The following MEI1 variants were observed in gnomAD, a reference collection of about 807,000 sequenced individuals.
MEI1 encodes the protein meiosis inhibitor protein 1.
In MEI1, 103 loss-of-function variants were observed where a neutral mutation model predicts 146.2. The ratio of observed to expected loss-of-function variants is 0.70; its 90% confidence interval spans 0.60 to 0.83. MEI1 has a LOEUF of 0.83. Ranked by LOEUF, MEI1 falls within the 40% of genes least tolerant of loss-of-function variation. The probability of loss-of-function intolerance (pLI) is 0.00; values close to 1 mark genes in which losing one functional copy is unlikely to be tolerated. For missense variants in MEI1, 1,529 were observed against 1,533.0 expected (o/e 1.00, Z 0.04); for synonymous variants, 652 against 628.2 (o/e 1.04, Z -0.57).
At chr22:41,762,002 T>C (rs2074523003) in intron 18 of MEI1, among the ~76,000 whole-genome samples, 1 of 152,278 alleles carries the variant, frequency 6.6e-6, no homozygotes, top group Admixed American at 6.5e-5. Flanking sequence ...TACCTTTGTA[T>C]GTATACACCA....
In MEI1 at chr22:41,732,445, C is replaced by A. The variant is rs562400707; in HGVS notation, c.1197-24C>A. 275 of 1,613,552 alleles carry A rather than the reference C, an allele frequency of 1.7e-4. 3 individuals carry two copies. The South Asian group carries it at 2.9e-3, about 17-fold the overall frequency. ...GGTCAGTGAGAAGAGTTCACCTACT[C>A]GTTTCTCATCTTCCATTTCTCAGGC... On this transcript the variant is annotated intron_variant, in intron 10 of 30. Coordinates refer to ENST00000401548, the MANE Select transcript of MEI1 (RefSeq NM_152513.4).
chr22:41,769,854 G>A (rs1385422853), intron 19 of MEI1, among the ~76,000 whole-genome samples: 1 of 151,870 alleles, frequency 6.6e-6, no homozygotes, highest in African/African-American at 2.4e-5. Flanking sequence ...ATTCAACAAG[G>A]CCGGGCACGG....
At chr22:41,796,355 T>G (rs966442095) in intron 30 of MEI1, among the ~76,000 whole-genome samples, 1 of 150,164 alleles carries the variant, frequency 6.7e-6, no homozygotes, top group Non-Finnish European at 1.5e-5. Flanking sequence ...GCCCAGGTTT[T>G]TTTTTTTTTT....
At position 41,729,754 on chromosome 22, in the gene MEI1, A is replaced by C. The variant is rs770536781; in HGVS notation, c.954A>C (p.Ser318=). The change falls in exon 8 of 31, where the codon TCA becomes TCC. Residue 318 remains serine, a synonymous_variant. Coordinates refer to ENST00000401548, the MANE Select transcript of MEI1 (RefSeq NM_152513.4). ...TCCACTCCCCAGCAAAGCATGCGTC[A>C]GCCTTCATCCACGCTGACATCCCAG... ...VLVHSPAKHA[S]AFIHADIPEF... 8.7e-6 allele frequency: 14 copies of C among 1,609,844 alleles called. No individual in the cohort carries two copies. Among genetic ancestry groups the C allele is most frequent in the Non-Finnish European group, 1.2e-5 (14 of 1,178,378 alleles).
chr22:41,748,531 A>G (rs902436294), intron 15 of MEI1, among the ~76,000 whole-genome samples: 23 of 152,194 alleles, frequency 1.5e-4, no homozygotes, highest in African/African-American at 5.3e-4. Flanking sequence ...AAAAAGATTA[A>G]AGAAAAATTA....
intron 15 of MEI1, among the ~76,000 whole-genome samples, chr22:41,749,138 AT>A (rs2073557360): frequency 6.6e-6 from 1 of 152,014 alleles, no homozygotes; most frequent in East Asian, 1.9e-4. Context: ...TTTGGCTCTT[AT>A]CATTATAATT....
At chr22:41,771,633 T>C (rs2075188315) in intron 20 of MEI1, among the ~76,000 whole-genome samples, 1 of 152,042 alleles carries the variant, frequency 6.6e-6, no homozygotes. Context: ...GAGATGGGGT[T>C]TCACCAGGTT....
chr22:41,705,400 G>T, intron 2 of MEI1, 104 bp from the exon 3 acceptor site: 1 of 935,716 alleles, frequency 1.1e-6, no homozygotes, highest in South Asian at 1.3e-5. Flanking sequence ...TTGAATTCCT[G>T]ACCTCAGGTA....
intron 7 of MEI1, among the ~76,000 whole-genome samples, chr22:41,725,194 C>T (rs1466015610): frequency 6.6e-6 from 1 of 151,940 alleles, no homozygotes; most frequent in Non-Finnish European, 1.5e-5. Context: ...TCACTACAAC[C>T]TCCGCCCCCC....
In MEI1 at chr22:41,778,028, TCTCCTCCTTTCTTC is replaced by T. The variant is rs1295030828; in HGVS notation, c.2711-670_2711-657del. Among the ~76,000 whole-genome samples the T allele has an allele frequency of 7.3e-5, 11 of 150,028 alleles. No homozygotes were observed. In the Admixed American group the frequency reaches 7.3e-4, roughly 10 times the overall value. On this transcript the variant is annotated intron_variant, in intron 21 of 30. Coordinates refer to ENST00000401548, the MANE Select transcript of MEI1 (RefSeq NM_152513.4). The stretch of plus-strand genomic sequence containing the variant: ...TCCTTCCTTCTCCTCCTTTCTTCCT[TCTCCTCCTTTCTTC>T]CTCCTCCTTCTCCCCTGCCCCCCAC...
intron 15 of MEI1, among the ~76,000 whole-genome samples, chr22:41,749,436 C>T (rs778603967): frequency 4.6e-5 from 7 of 152,058 alleles, no homozygotes; most frequent in South Asian, 4.1e-4. Flanking sequence ...CCACCATGCC[C>T]GGCTAATTTT....
In MEI1 at chr22:41,781,678, C is replaced by G; in HGVS notation, c.2927-7C>G. 6.2e-7 allele frequency: 1 copy of G among 1,612,024 alleles called. No individual in the cohort carries two copies. Among genetic ancestry groups the G allele is most frequent in the Non-Finnish European group, 8.5e-7 (1 of 1,179,184 alleles). ...CCTGTGGGCCCTGCCTTGCCCACCC[C>G]CGACAGCTGCTGCAGTGCTCCTGAG... is the stretch of plus-strand genomic sequence containing the variant. On this transcript the variant is annotated splice_polypyrimidine_tract_variant and splice_region_variant and intron_variant, in intron 23 of 30. Transcript: ENST00000401548.
At chr22:41,735,046 C>G (rs2147632236) in intron 11 of MEI1, among the ~76,000 whole-genome samples, 1 of 151,804 alleles carries the variant, frequency 6.6e-6, no homozygotes, top group East Asian at 1.9e-4. Flanking sequence ...ACTGCAACCT[C>G]CGCCTCCCAG....
intron 3 of MEI1, among the ~76,000 whole-genome samples, chr22:41,707,326 C>A (rs1456076525): frequency 6.6e-6 from 1 of 152,098 alleles, no homozygotes; most frequent in Non-Finnish European, 1.5e-5. Flanking sequence ...AGGAAAGAGG[C>A]TGGAATTGTT....
At chr22:41,767,657 AT>A (rs1376554308) in intron 19 of MEI1, 1 of 451,778 alleles carries the variant, frequency 2.2e-6, no homozygotes, top group Admixed American at 2.4e-5. Context: ...GCTTCTCAAC[AT>A]TTCAGCTACT....
In MEI1 at chr22:41,705,571, T is replaced by C. The variant is rs1007202587; in HGVS notation, c.349+17T>C. 1 of 1,605,654 alleles carries C rather than the reference T, an allele frequency of 6.2e-7. No individual in the cohort carries two copies. The highest frequency in any genetic ancestry group is 8.5e-7 in the Non-Finnish European group (1 of 1,172,374). Reference sequence around the variant, plus strand: ...GTATTGAAGGTAAGTTGAAACCTTGTATCTAGCACTTGAAGATGAAAGTAT... The same window carrying C: ...GTATTGAAGGTAAGTTGAAACCTTGCATCTAGCACTTGAAGATGAAAGTAT... On this transcript the variant is annotated intron_variant, in intron 3 of 30. Transcript: ENST00000401548.
intron 26 of MEI1, among the ~76,000 whole-genome samples, chr22:41,785,979 C>T (rs552732481): frequency 9.1e-4 from 123 of 135,338 alleles, no homozygotes; most frequent in Admixed American, 4.2e-3. Context: ...GGCGCGATCT[C>T]GGCTCACTGC....
intron 19 of MEI1, among the ~76,000 whole-genome samples, chr22:41,767,209 A>C (rs1286330347): frequency 6.6e-6 from 1 of 152,168 alleles, no homozygotes; most frequent in Non-Finnish European, 1.5e-5. Context: ...TGGTATCTTT[A>C]TGAAAAGGCT....
At chr22:41,757,474 C>T (rs950359523) in intron 17 of MEI1, among the ~76,000 whole-genome samples, 7 of 152,160 alleles carry the variant, frequency 4.6e-5, no homozygotes, top group African/African-American at 1.7e-4. Flanking sequence ...TCTCCCACCT[C>T]AGCCTCCCAA....
Sources: gnomAD v4.1 joint callset for allele counts (sites outside exome capture counted in the v4.1 genomes callset) on GRCh38, gnomAD v4.1.1 for gene constraint, MANE v1.5 for transcripts, NCBI Gene and HGNC (gene_info 2026-07-23, HGNC 2026-07-21) for gene names.